FBXO11: variants seen among roughly 807,000 people sequenced by gnomAD.
FBXO11 encodes the protein F-box only protein 11.
FBXO11 carries 13 observed loss-of-function variants against 117.0 expected under a neutral mutation model. The observed-to-expected ratio is 0.11, with a 90% CI of 0.07 to 0.18. FBXO11 has a LOEUF of 0.18. FBXO11 is among the 10% of genes least tolerant of loss of function. The pLI is 1.00. For synonymous variants in FBXO11, 490 were observed against 380.5 expected (o/e 1.29, Z -3.35); for missense variants, 767 against 1,164.4 (o/e 0.66, Z 4.97).
chr2:47,896,622 A>G (rs763192205), intron 1 of FBXO11, among the ~76,000 whole-genome samples: 1 of 152,118 alleles, frequency 6.6e-6, no homozygotes, highest in Non-Finnish European at 1.5e-5. Flanking sequence ...ATGAGCCACT[A>G]TGCCCCGCCC....
At chr2:47,808,528 C>T in intron 21 of FBXO11, 101 bp from the exon 22 acceptor site, 5 of 1,024,834 alleles carry the variant, frequency 4.9e-6, no homozygotes, top group Non-Finnish European at 6.9e-6. Flanking sequence ...TTAAGAGGAC[C>T]AAAACAAAAT....
At chr2:47,855,491 AC>A (rs1307134768) in intron 1 of FBXO11, among the ~76,000 whole-genome samples, 1 of 152,216 alleles carries the variant, frequency 6.6e-6, no homozygotes, top group African/African-American at 2.4e-5. Flanking sequence ...CAGGATGGAC[AC>A]CATCAGTGTA....
At chr2:47,878,809 C>T (rs1676212028) in intron 1 of FBXO11, among the ~76,000 whole-genome samples, 1 of 151,916 alleles carries the variant, frequency 6.6e-6, no homozygotes, top group Admixed American at 6.6e-5. Context: ...GGTGAAACCC[C>T]ATTCCTACTA....
intron 1 of FBXO11, among the ~76,000 whole-genome samples, chr2:47,876,844 C>G (rs1306255805): frequency 6.6e-6 from 1 of 152,134 alleles, no homozygotes; most frequent in Non-Finnish European, 1.5e-5. Context: ...TGTTTCTCTA[C>G]TACTATGTCT....
chr2:47,896,361 ACT>A (rs1371811562), intron 1 of FBXO11, among the ~76,000 whole-genome samples: 3 of 149,296 alleles, frequency 2.0e-5, no homozygotes, highest in Admixed American at 1.3e-4. Context: ...AGGTCTTAAA[ACT>A]CTGTCACCCA....
chr2:47,885,203 T>A (rs186703635), intron 1 of FBXO11, among the ~76,000 whole-genome samples: 1 of 152,032 alleles, frequency 6.6e-6, no homozygotes, highest in African/African-American at 2.4e-5. Flanking sequence ...TAAAAGGAAG[T>A]GATCGAATAC....
At chr2:47,819,206 G>T in intron 14 of FBXO11, 128 bp from the exon 15 acceptor site, 1 of 800,348 alleles carries the variant, frequency 1.2e-6, no homozygotes, top group East Asian at 2.6e-5. Flanking sequence ...AGGAGGTAAT[G>T]GCAATATTCT....
chr2:47,890,821 A>T lies in FBXO11; in HGVS notation c.232+14668T>A, dbSNP rs150430569. Among the ~76,000 whole-genome samples the T allele has an allele frequency of 2.0e-3, 304 of 151,452 alleles. 2 individuals are homozygous for T. The highest frequency in any genetic ancestry group is 6.8e-3 in the Middle Eastern group (2 of 294). On this transcript the variant is annotated intron_variant, in intron 1 of 22. Coordinates refer to ENST00000403359, the MANE Select transcript of FBXO11 (RefSeq NM_001190274.2). Reference sequence around the variant, plus strand: ...CCTGTCTAAAAAAAAGAAAAAAAAAAATATTATTATTATTGAGACACAGTC... The same window carrying T: ...CCTGTCTAAAAAAAAGAAAAAAAAATATATTATTATTATTGAGACACAGTC...
intron 1 of FBXO11, among the ~76,000 whole-genome samples, chr2:47,901,564 G>A (rs1217482704): frequency 6.6e-6 from 1 of 151,834 alleles, no homozygotes; most frequent in African/African-American, 2.4e-5. Flanking sequence ...TTTAAACTGT[G>A]GCAATATTAC....
intron 1 of FBXO11, among the ~76,000 whole-genome samples, chr2:47,899,859 T>C (rs554241041): frequency 9.9e-5 from 15 of 151,506 alleles, no homozygotes; most frequent in African/African-American, 3.6e-4. Flanking sequence ...AACTTTAATA[T>C]CAGGGATAAA....
Position 47,877,750 on chromosome 2 carries a change from T to C in FBXO11, c.232+27739A>G, listed in dbSNP as rs187348885. Among the ~76,000 whole-genome samples, 4 of 152,342 alleles carry C rather than the reference T, an allele frequency of 2.6e-5. No individual in the cohort carries two copies. In the East Asian group the frequency reaches 7.7e-4, roughly 29 times the overall value. On this transcript the variant is annotated intron_variant, in intron 1 of 22. Transcript: ENST00000403359. ...CCCAGGCTGGAATGCAGTGGTGCGA[T>C]CTTGGCTCACTGCAACCTCCGACTC...
At chr2:47,892,505 C>T (rs538719230) in intron 1 of FBXO11, among the ~76,000 whole-genome samples, 22 of 152,296 alleles carry the variant, frequency 1.4e-4, no homozygotes, top group African/African-American at 4.8e-4. Context: ...TAGATATATT[C>T]AGCTACAAGG....
chr2:47,873,121 C>T (rs1319318108), intron 1 of FBXO11, among the ~76,000 whole-genome samples: 1 of 152,130 alleles, frequency 6.6e-6, no homozygotes, highest in East Asian at 1.9e-4. Flanking sequence ...ACAGGTTTTC[C>T]CAGAAAGTAC....
intron 1 of FBXO11, among the ~76,000 whole-genome samples, chr2:47,864,586 T>A (rs1432241392): frequency 1.3e-5 from 2 of 152,016 alleles, no homozygotes; most frequent in African/African-American, 4.8e-5. Flanking sequence ...AAACTCCATC[T>A]CACAAAAAAG....
At chr2:47,852,009 T>TTTTTTG (rs1259861702) in intron 1 of FBXO11, among the ~76,000 whole-genome samples, 1 of 149,140 alleles carries the variant, frequency 6.7e-6, no homozygotes, top group Non-Finnish European at 1.5e-5. Context: ...TTTTTTTTTT[T>TTTTTTG]GAGGCTGAGT....
intron 11 of FBXO11, among the ~76,000 whole-genome samples, chr2:47,825,906 G>A (rs776192755): frequency 1.1e-4 from 16 of 151,732 alleles, no homozygotes; most frequent in South Asian, 2.1e-4. Context: ...CTTTTACAGC[G>A]CTGCAAGCAA....
chr2:47,862,221 C>T (rs745797280), intron 1 of FBXO11, among the ~76,000 whole-genome samples: 4 of 152,120 alleles, frequency 2.6e-5, no homozygotes, highest in Non-Finnish European at 4.4e-5. Context: ...TCGTGCCTGG[C>T]CAGTTTTCTT....
chr2:47,868,687 T>C (rs1441209885), intron 1 of FBXO11, among the ~76,000 whole-genome samples: 2 of 152,150 alleles, frequency 1.3e-5, no homozygotes, highest in Non-Finnish European at 2.9e-5. Context: ...AGGTTATACA[T>C]GGGCTTAGCA....
intron 11 of FBXO11, among the ~76,000 whole-genome samples, chr2:47,825,079 A>G (rs1328849870): frequency 3.3e-5 from 5 of 151,400 alleles, no homozygotes; most frequent in Non-Finnish European, 5.9e-5. Flanking sequence ...GTACTCAAAC[A>G]GGATTTGATG....
Sources: allele counts gnomAD v4.1 joint callset (sites outside exome capture counted in the v4.1 genomes callset), GRCh38; gene constraint gnomAD v4.1.1; transcripts MANE v1.5; gene names NCBI Gene and HGNC (gene_info 2026-07-23, HGNC 2026-07-21).